Variants in HNRNPDL observed in about 807,000 individuals in gnomAD.
HNRNPDL encodes the protein heterogeneous nuclear ribonucleoprotein D-like.
HNRNPDL carries 18 observed loss-of-function variants against 48.0 expected under a neutral mutation model. That is an observed-to-expected ratio of 0.38 (90% confidence interval 0.26 to 0.56). HNRNPDL has a LOEUF of 0.56. HNRNPDL is among the 20% of genes least tolerant of loss of function. The pLI is 0.77. For synonymous variants in HNRNPDL, 306 were observed against 207.3 expected, an observed-to-expected ratio of 1.48 and a Z score of -4.09; for missense variants, 553 against 540.7, an observed-to-expected ratio of 1.02 and a Z score of -0.23.
rs1721318732 is a variant in HNRNPDL, at chr4:82,424,179, T to C, written c.*727A>G. 1 of 152,232 alleles carries C rather than the reference T, an allele frequency of 6.6e-6. No individual in the cohort carries two copies. Among genetic ancestry groups the C allele is most frequent in the African/African-American group, 2.4e-5 (1 of 41,464 alleles). The allele number at this position is 152,232 out of a possible 1,614,324, so 9.4% of individuals were successfully genotyped here. On this transcript the variant is annotated 3_prime_UTR_variant, in exon 8 of 8. Transcript: ENST00000295470. ...TGAACTTTTATCAAGAATTACTCAT[T>C]GTGTTATGATTACAAAGCTTTTTCT...
In HNRNPDL at chr4:82,430,437, C is replaced by T. The variant is rs989383819; in HGVS notation, c.-747G>A. ...CTGCGGAGGGCGCGCTCTCGCGCAC[C>T]CTGCTCCCGCGTTCGCTTCTTTGTT... On this transcript the variant is annotated 5_prime_UTR_variant, in exon 1 of 8. Transcript: ENST00000295470. 1 of 198,790 alleles carries T rather than the reference C, an allele frequency of 5.0e-6. No individual in the cohort carries two copies. The highest frequency in any genetic ancestry group is 9.7e-5 in the South Asian group (1 of 10,302). The allele number at this position is 198,790 out of a possible 1,614,324, so 12.3% of individuals were successfully genotyped here.
intron 3 of HNRNPDL, 137 bp downstream of exon 3, chr4:82,427,881 A>G: frequency 2.4e-6 from 2 of 835,920 alleles, no homozygotes; most frequent in Non-Finnish European, 3.7e-6. Flanking sequence ...AAATCAAGGT[A>G]CAGTCACTGG....
In HNRNPDL at chr4:82,430,373, C is replaced by G. The variant is rs1383391064; in HGVS notation, c.-683G>C. 5.9e-6 allele frequency: 1 copy of G among 168,122 alleles called. No individual in the cohort carries two copies. Among genetic ancestry groups the G allele is most frequent in the East Asian group, 1.8e-4 (1 of 5,634 alleles). 10.4% of individuals were successfully genotyped at this position (168,122 alleles called of 1,614,324 possible). A position where few individuals can be genotyped will look rare whatever the true frequency, so the allele number is the denominator to read the frequency against. The stretch of plus-strand genomic sequence containing the variant: ...GGCGCGCCACTCGCGGGGCTCCTTT[C>G]TGCACGTGCCCCGGGCCTCTCCCGC... On this transcript the variant is annotated 5_prime_UTR_variant, in exon 1 of 8. Transcript: ENST00000295470.
chr4:82,429,353 G>GGGGGGTGCTGGCGCGCAGTC lies in HNRNPDL; in HGVS notation c.318_337dup (p.Pro113ArgfsTer18). ...CTCCATAGTGACGGAGCTGTCGGCA[G>GGGGGGTGCTGGCGCGCAGTC]GGGGGTGCTGGCGCGCAGTCCGGGT... On this transcript the variant is annotated frameshift_variant, in exon 1 of 8. Coordinates refer to ENST00000295470, the MANE Select transcript of HNRNPDL (RefSeq NM_031372.4). LOFTEE classifies it high-confidence loss of function. 6.2e-7 allele frequency: 1 copy of GGGGGGTGCTGGCGCGCAGTC among 1,613,450 alleles called. No individual in the cohort carries two copies. Among genetic ancestry groups the GGGGGGTGCTGGCGCGCAGTC allele is most frequent in the Admixed American group, 1.7e-5 (1 of 60,012 alleles).
At chr4:82,428,705 G>A (rs1721525336) in intron 1 of HNRNPDL, among the ~76,000 whole-genome samples, 1 of 152,200 alleles carries the variant, frequency 6.6e-6, no homozygotes, top group Admixed American at 6.5e-5. Flanking sequence ...GTTCTGCCCA[G>A]ATTCCTTTAG....
At position 82,427,542 on chromosome 4, in the gene HNRNPDL, A is replaced by C. The variant is rs1410816228; in HGVS notation, c.797T>G (p.Met266Arg). The change falls in exon 4 of 8, where the codon ATG becomes AGG. Residue 266 changes from methionine to arginine, a missense_variant. Around this residue, in one of 4 missense-constraint regions of HNRNPDL, gnomAD observed 174 missense variants for 204.6 expected, o/e 0.85. Transcript: ENST00000295470. ...TCTTCTTTCATTTGTTTTTGTATCC[A>C]TGGGAAGTTCAATATTTTCAATCTG... ...FGEIENIELP[M>R]DTKTNERRGF... 1 of 1,609,154 alleles carries C rather than the reference A, an allele frequency of 6.2e-7. No homozygotes were observed.
chr4:82,423,434 A>G lies in HNRNPDL; in HGVS notation c.*1472T>C, dbSNP rs1317606175. ...ATTGGTACTTGGCCTAAGTTTAAGA[A>G]TAGCAAAACAGCAGCAAAAAAGAGG... On this transcript the variant is annotated 3_prime_UTR_variant, in exon 8 of 8. Coordinates refer to ENST00000295470, the MANE Select transcript of HNRNPDL (RefSeq NM_031372.4). The G allele has an allele frequency of 1.3e-5, 2 of 152,232 alleles. No homozygotes were observed. The highest frequency in any genetic ancestry group is 6.5e-5 in the Admixed American group (1 of 15,286). 9.4% of individuals were successfully genotyped at this position (152,232 alleles called of 1,614,324 possible).
In HNRNPDL at chr4:82,430,401, G is replaced by A; in HGVS notation, c.-711C>T. The A allele has an allele frequency of 5.5e-6, 1 of 180,954 alleles. No homozygotes were observed. The allele number at this position is 180,954 out of a possible 1,614,324, so 11.2% of individuals were successfully genotyped here. On this transcript the variant is annotated 5_prime_UTR_variant, in exon 1 of 8. Coordinates refer to ENST00000295470, the MANE Select transcript of HNRNPDL (RefSeq NM_031372.4). ...CACGTGCCCCGGGCCTCTCCCGCTC[G>A]CTCAACCTGTCTGCGGAGGGCGCGC...
At position 82,429,753 on chromosome 4, in the gene HNRNPDL, G is replaced by GA; in HGVS notation, c.-64dup. ...GGGACGCGGGCTTGGGAGAAGAGAA[G>GA]AATCAGAAGAGAAAAACGAAGGGGC... On this transcript the variant is annotated 5_prime_UTR_variant, in exon 1 of 8. Transcript: ENST00000295470. 8.1e-7 allele frequency: 1 copy of GA among 1,239,494 alleles called. No homozygotes were observed. Among genetic ancestry groups the GA allele is most frequent in the Non-Finnish European group, 1.0e-6 (1 of 967,716 alleles). The allele number at this position is 1,239,494 out of a possible 1,614,324, so 76.8% of individuals were successfully genotyped here.
intron 2 of HNRNPDL, 38 bp downstream of exon 2, chr4:82,428,240 C>T (rs776715771): frequency 4.5e-5 from 73 of 1,607,350 alleles, no homozygotes; most frequent in Middle Eastern, 3.3e-4. Context: ...ATTTGCAAAA[C>T]ACCACAAAAG....
At position 82,428,531 on chromosome 4, in the gene HNRNPDL, G is replaced by A. The variant is rs747535484; in HGVS notation, c.444-85C>T. The A allele has an allele frequency of 2.7e-6, 3 of 1,092,774 alleles. No homozygotes were observed. The East Asian group carries it at 7.6e-5, about 28-fold the overall frequency. 67.7% of individuals were successfully genotyped at this position (1,092,774 alleles called of 1,614,324 possible). The stretch of plus-strand genomic sequence containing the variant: ...GGAATTAAATCGTGAAATAAAAACA[G>A]GGACATTTACCCCCTAAGTGTAGGC... On this transcript the variant is annotated intron_variant, in intron 1 of 7. Transcript: ENST00000295470.
intron 1 of HNRNPDL, 92 bp downstream of exon 1, chr4:82,429,156 A>G (rs1721564754): frequency 8.3e-7 from 1 of 1,208,976 alleles, no homozygotes; most frequent in African/African-American, 1.5e-5. Flanking sequence ...ATCGACTCTG[A>G]GAAAGAATGG....
intron 1 of HNRNPDL, 132 bp downstream of exon 1, chr4:82,429,116 A>G: frequency 1.2e-6 from 1 of 811,374 alleles, no homozygotes; most frequent in Admixed American, 2.0e-5. Flanking sequence ...CTTCCCTCCA[A>G]TCTAGTGGGG....
Position 82,423,856 on chromosome 4 carries a change from A to G in HNRNPDL, c.*1050T>C, listed in dbSNP as rs1031093351. On this transcript the variant is annotated 3_prime_UTR_variant, in exon 8 of 8. Coordinates refer to ENST00000295470, the MANE Select transcript of HNRNPDL (RefSeq NM_031372.4). ...TACCTTTTCCACTATTCCTTTCTGA[A>G]TATGTAAATATTTAACTACTTAGTT... is the stretch of plus-strand genomic sequence containing the variant. 4.6e-5 allele frequency: 7 copies of G among 152,202 alleles called. No homozygotes were observed. Among genetic ancestry groups the G allele is most frequent in the African/African-American group, 1.4e-4 (6 of 41,444 alleles). 9.4% of individuals were successfully genotyped at this position (152,202 alleles called of 1,614,324 possible).
In HNRNPDL at chr4:82,429,293, G is replaced by C; in HGVS notation, c.398C>G (p.Ala133Gly). The change falls in exon 1 of 8, where the codon GCA becomes GGA. Residue 133 changes from alanine (A) to glycine (G), a missense_variant. Ala to Gly is a moderately conservative substitution (Grantham distance 60). Coordinates refer to ENST00000295470, the MANE Select transcript of HNRNPDL (RefSeq NM_031372.4). Reference protein sequence around the residue: ...MNEYSNIEEFAEGSKINASKN... With the variant: ...MNEYSNIEEFGEGSKINASKN... ...GCTCGCGTTGATCTTGGATCCCTCT[G>C]CGAATTCCTCTATATTGCTGTACTC... 4 of 1,613,834 alleles carry C rather than the reference G, an allele frequency of 2.5e-6. No homozygotes were observed. Among genetic ancestry groups the C allele is most frequent in the Non-Finnish European group, 3.4e-6 (4 of 1,179,926 alleles).
At position 82,430,429 on chromosome 4, in the gene HNRNPDL, TCGCGCACCCTGCTCC is replaced by T. The variant is rs1055018165; in HGVS notation, c.-754_-740del. The T allele has an allele frequency of 1.0e-5, 2 of 190,718 alleles. No homozygotes were observed. Among genetic ancestry groups the T allele is most frequent in the Non-Finnish European group, 2.2e-5 (2 of 92,440 alleles). The allele number at this position is 190,718 out of a possible 1,614,324, so 11.8% of individuals were successfully genotyped here. A position where few individuals can be genotyped will look rare whatever the true frequency, so the allele number is the denominator to read the frequency against. On this transcript the variant is annotated 5_prime_UTR_variant, in exon 1 of 8. Coordinates refer to ENST00000295470, the MANE Select transcript of HNRNPDL (RefSeq NM_031372.4). Reference sequence around the variant, plus strand: ...CAACCTGTCTGCGGAGGGCGCGCTCTCGCGCACCCTGCTCCCGCGTTCGCTTCTTTGTTCCCGCCC... The same window carrying T: ...CAACCTGTCTGCGGAGGGCGCGCTCTCGCGTTCGCTTCTTTGTTCCCGCCC...
Position 82,429,561 on chromosome 4 carries a change from A to C in HNRNPDL, c.130T>G (p.Ser44Ala). 1 of 1,437,128 alleles carries C rather than the reference A, an allele frequency of 7.0e-7. No individual in the cohort carries two copies. Among genetic ancestry groups the C allele is most frequent in the South Asian group, 1.5e-5 (1 of 68,228 alleles). 89.0% of individuals were successfully genotyped at this position (1,437,128 alleles called of 1,614,324 possible). A position where few individuals can be genotyped will look rare whatever the true frequency, so the allele number is the denominator to read the frequency against. Residue 44 changes from serine to alanine, a missense_variant, in exon 1 of 8, where the codon TCG becomes GCG. Physicochemically the swap from Ser to Ala is moderately conservative, Grantham distance 99 (BLOSUM62 1). Transcript: ENST00000295470. ...TGCCGGGCGGAGCTGGGAGCGAGCG[A>C]AGGGAGGAGCGGGGCTAGCTGCCGC... is the stretch of plus-strand genomic sequence containing the variant. ...PPRQLAPLLP[S>A]LAPSSARQGA...
rs1295871752 is a variant in HNRNPDL, at chr4:82,422,898, A to G, written c.*2008T>C. 3 of 152,210 alleles carry G rather than the reference A, an allele frequency of 2.0e-5. No individual in the cohort carries two copies. Among genetic ancestry groups the G allele is most frequent in the African/African-American group, 7.2e-5 (3 of 41,448 alleles). 9.4% of individuals were successfully genotyped at this position (152,210 alleles called of 1,614,324 possible). On this transcript the variant is annotated 3_prime_UTR_variant, in exon 8 of 8. Transcript: ENST00000295470. The stretch of plus-strand genomic sequence containing the variant: ...AGAATTCATTTCTATCCCCTCCCCA[A>G]TAAACTTGTCCAATTACTTTGTTCT...
In HNRNPDL at chr4:82,426,614, G is replaced by A. The variant is rs762453426; in HGVS notation, c.1041C>T (p.Asn347=). The change falls in exon 6 of 8, where the codon AAC becomes AAT. Residue 347 remains asparagine, a synonymous_variant. Coordinates refer to ENST00000295470, the MANE Select transcript of HNRNPDL (RefSeq NM_031372.4). The part of the protein sequence containing the change: ...GRGRGQGQNW[N]QGFNNYYDQG... ...GATCATAATAGTTATTAAATCCTTG[G>A]TTCCAGTTTTGGCCCTGACCTGAAA... 8.1e-6 allele frequency: 13 copies of A among 1,613,496 alleles called. No individual in the cohort carries two copies. The East Asian group carries it at 2.5e-4, about 30-fold the overall frequency.
Sources: gnomAD v4.1 joint callset for allele counts (sites outside exome capture counted in the v4.1 genomes callset) on GRCh38, gnomAD v4.1.1 for gene constraint, gnomAD v4.1.1 regional missense constraint, MANE v1.5 for transcripts, NCBI Gene and HGNC (gene_info 2026-07-23, HGNC 2026-07-21) for gene names.